KDM4B: variants seen among roughly 807,000 people sequenced by gnomAD.
KDM4B encodes lysine demethylase 4B.
Under a neutral mutation model 125.2 loss-of-function variants are expected in KDM4B, and 32 were observed. The ratio of observed to expected loss-of-function variants is 0.26; its 90% CI spans 0.19 to 0.34. KDM4B has a LOEUF of 0.34. KDM4B is among the 10% of genes least tolerant of loss of function. The pLI is 1.00. For synonymous variants in KDM4B, 721 were observed against 677.9 expected (o/e 1.06, Z -0.99); for missense variants, 1,190 against 1,577.7 (o/e 0.75, Z 4.16).
chr19:5,006,473 T>G (rs1232342764), intron 1 of KDM4B, among the ~76,000 whole-genome samples: 1 of 152,070 alleles, frequency 6.6e-6, no homozygotes, highest in Non-Finnish European at 1.5e-5. Context: ...AATGTGTTGG[T>G]TAAGATATGG....
intron 9 of KDM4B, among the ~76,000 whole-genome samples, chr19:5,099,626 T>C (rs2038893593): frequency 6.6e-6 from 1 of 152,244 alleles, no homozygotes; most frequent in Non-Finnish European, 1.5e-5. Flanking sequence ...GAGAGACATA[T>C]GCTCCAGGGG....
intron 9 of KDM4B, among the ~76,000 whole-genome samples, chr19:5,086,808 G>A (rs865962761): frequency 4.1e-4 from 63 of 152,378 alleles, no homozygotes; most frequent in Middle Eastern, 6.8e-3. Flanking sequence ...TGCCACAGAT[G>A]TGCTGCCACC....
At chr19:5,103,549 C>G (rs1199978100) in intron 9 of KDM4B, among the ~76,000 whole-genome samples, 1 of 152,146 alleles carries the variant, frequency 6.6e-6, no homozygotes, top group Non-Finnish European at 1.5e-5. Flanking sequence ...GTTTGGGCAC[C>G]AGCTGACGGG....
At position 4,996,660 on chromosome 19, in the gene KDM4B, T is replaced by TGG. The variant is rs1464448694; in HGVS notation, c.-108-19597_-108-19596insGG. On this transcript the variant is annotated intron_variant, in intron 1 of 22. Transcript: ENST00000159111. ...CTGAATTTGTGCCCCTGCACAGTCA[T>TGG]TGTGGGACAGTCATTGTGTTGGGGA... Among the ~76,000 whole-genome samples, 636 of 152,304 alleles carry TGG rather than the reference T, an allele frequency of 4.2e-3. 7 individuals carry two copies. Among genetic ancestry groups the TGG allele is most frequent in the African/African-American group, 0.015 (604 of 41,560 alleles).
intron 9 of KDM4B, among the ~76,000 whole-genome samples, chr19:5,086,681 G>A (rs747013079): frequency 1.4e-4 from 22 of 152,186 alleles, no homozygotes; most frequent in Non-Finnish European, 2.9e-4. Flanking sequence ...GTGGGCAGAG[G>A]GGCTGCTCCG....
chr19:5,058,123 A>G (rs1387861593), intron 6 of KDM4B, among the ~76,000 whole-genome samples: 2 of 152,384 alleles, frequency 1.3e-5, no homozygotes, highest in South Asian at 2.1e-4. Context: ...CCACATGTCC[A>G]GCTGGGAAGG....
intron 5 of KDM4B, among the ~76,000 whole-genome samples, chr19:5,043,791 A>G (rs1350748331): frequency 8.6e-6 from 1 of 116,142 alleles, no homozygotes; most frequent in Non-Finnish European, 1.7e-5. Flanking sequence ...TGGGGTGTCC[A>G]CCTTATCCCG....
Position 5,131,648 on chromosome 19 carries a change from C to CA in KDM4B, c.1785+104dup, listed in dbSNP as rs1645910715. The CA allele has an allele frequency of 5.9e-6, 2 of 341,854 alleles. 1 individual carries two copies. The highest frequency in any genetic ancestry group is 9.3e-5 in the South Asian group (2 of 21,526). The allele number at this position is 341,854 out of a possible 1,614,324, so 21.2% of individuals were successfully genotyped here. On this transcript the variant is annotated intron_variant, in intron 12 of 22. Transcript: ENST00000159111. ...GGGGAGCTGGTGGCGGGGGAGGGGG[C>CA]AGGGAGGAGGGGACAGGAGGGCTGA...
chr19:5,011,781 C>T (rs1442509734), intron 1 of KDM4B, among the ~76,000 whole-genome samples: 1 of 152,244 alleles, frequency 6.6e-6, no homozygotes, highest in Non-Finnish European at 1.5e-5. Context: ...CCTGGGGGCT[C>T]CGGTGACTGG....
At position 5,143,052 on chromosome 19, in the gene KDM4B, G is replaced by A. The variant is rs145324117; in HGVS notation, c.2551-915G>A. On this transcript the variant is annotated intron_variant, in intron 18 of 22. Coordinates refer to ENST00000159111, the MANE Select transcript of KDM4B (RefSeq NM_015015.3). ...TTAAAAGCCGATGTAAAGGACCTGC[G>A]CGATGGCTCACGCCTGTAATCCCAG... is the stretch of plus-strand genomic sequence containing the variant. Among the ~76,000 whole-genome samples the A allele has an allele frequency of 6.7e-4, 102 of 152,214 alleles. 1 individual carries two copies. The East Asian group carries it at 9.7e-3, about 14-fold the overall frequency.
intron 9 of KDM4B, among the ~76,000 whole-genome samples, chr19:5,091,373 T>G (rs944967332): frequency 3.3e-5 from 5 of 152,310 alleles, no homozygotes; most frequent in African/African-American, 1.2e-4. Flanking sequence ...AGGCCTGCTG[T>G]GTGCCAGCCT....
intron 2 of KDM4B, among the ~76,000 whole-genome samples, chr19:5,026,600 G>A (rs577333077): frequency 1.3e-5 from 2 of 152,276 alleles, no homozygotes; most frequent in East Asian, 3.9e-4. Context: ...GGTGGGGCCT[G>A]CACATTTGCT....
intron 8 of KDM4B, among the ~76,000 whole-genome samples, chr19:5,079,974 C>T (rs759809560): frequency 5.9e-5 from 9 of 152,218 alleles, no homozygotes; most frequent in Non-Finnish European, 8.8e-5. Context: ...AACCCCACGT[C>T]CTGCACAGTG....
intron 17 of KDM4B, 66 bp downstream of exon 17, chr19:5,137,742 A>G: frequency 7.0e-7 from 1 of 1,432,084 alleles, no homozygotes; most frequent in African/African-American, 1.4e-5. Context: ...GAGGCTCTGC[A>G]GGGTGTGACC....
At chr19:5,085,265 T>C (rs1463517063) in intron 9 of KDM4B, among the ~76,000 whole-genome samples, 1 of 152,184 alleles carries the variant, frequency 6.6e-6, no homozygotes, top group East Asian at 1.9e-4. Flanking sequence ...GGAAGAGAGA[T>C]CCAGAAGTTG....
intron 1 of KDM4B, among the ~76,000 whole-genome samples, chr19:4,998,477 C>T (rs1308647076): frequency 6.6e-6 from 1 of 152,162 alleles, no homozygotes; most frequent in Non-Finnish European, 1.5e-5. Flanking sequence ...TAATCCTTTC[C>T]TCTCATTCTC....
intron 6 of KDM4B, 63 bp downstream of exon 6, chr19:5,047,732 C>G: frequency 6.5e-7 from 1 of 1,536,180 alleles, no homozygotes; most frequent in East Asian, 2.3e-5. Context: ...GGAGTCAATC[C>G]CGGGTACACG....
chr19:5,014,537 A>G (rs1399698589), intron 1 of KDM4B, among the ~76,000 whole-genome samples: 2 of 151,862 alleles, frequency 1.3e-5, no homozygotes, highest in Admixed American at 1.3e-4. Context: ...GGCCTCCCAA[A>G]GTGCTGGGAT....
At chr19:5,025,677 C>T (rs182549799) in intron 2 of KDM4B, among the ~76,000 whole-genome samples, 3 of 152,336 alleles carry the variant, frequency 2.0e-5, no homozygotes, top group Admixed American at 6.5e-5. Flanking sequence ...GCCATCCGGC[C>T]TCTGGGGCCT....
Sources: allele counts gnomAD v4.1 joint callset (sites outside exome capture counted in the v4.1 genomes callset), GRCh38; gene constraint gnomAD v4.1.1; transcripts MANE v1.5; gene names NCBI Gene and HGNC (gene_info 2026-07-23, HGNC 2026-07-21).